The following ZNF804A variants were observed in gnomAD, a reference collection of about 807,000 sequenced individuals.
ZNF804A encodes the protein zinc finger protein 804A.
A neutral mutation model predicts 16.5 loss-of-function variants in ZNF804A; 2 were observed. That is an observed-to-expected ratio of 0.12 (90% CI 0.05 to 0.38). ZNF804A has a LOEUF of 0.38. ZNF804A is among the 10% of genes least tolerant of loss of function. The pLI, the probability that ZNF804A is intolerant of heterozygous loss-of-function variation, is 0.99. For synonymous variants in ZNF804A, 534 were observed against 489.6 expected (o/e 1.09, Z -1.20); for missense variants, 1,473 against 1,390.7 (o/e 1.06, Z -0.94).
intron 1 of ZNF804A, among the ~76,000 whole-genome samples, chr2:184,640,186 A>T (rs2105692953): frequency 6.6e-6 from 1 of 151,904 alleles, no homozygotes; most frequent in Non-Finnish European, 1.5e-5. Flanking sequence ...GAAAAAAAAG[A>T]AGTAGGAGGA....
chr2:184,814,750 C>T (rs954902946), intron 1 of ZNF804A, among the ~76,000 whole-genome samples: 3 of 152,072 alleles, frequency 2.0e-5, no homozygotes, highest in Admixed American at 6.6e-5. Flanking sequence ...CTTTTTAAAA[C>T]GTGGGGACTT....
At chr2:184,722,647 T>A (rs553084267) in intron 1 of ZNF804A, among the ~76,000 whole-genome samples, 2 of 152,038 alleles carry the variant, frequency 1.3e-5, no homozygotes, top group Non-Finnish European at 2.9e-5. Flanking sequence ...ATAACACCAC[T>A]GATACGTGTT....
At chr2:184,722,686 G>C (rs1260640830) in intron 1 of ZNF804A, among the ~76,000 whole-genome samples, 2 of 151,904 alleles carry the variant, frequency 1.3e-5, no homozygotes, top group African/African-American at 4.8e-5. Context: ...CTTATGGTTT[G>C]TATACCTGTA....
chr2:184,716,163 AG>A (rs1693210103), intron 1 of ZNF804A, among the ~76,000 whole-genome samples: 1 of 152,174 alleles, frequency 6.6e-6, no homozygotes. Context: ...AAACCAAAGA[AG>A]CATTATGACT....
chr2:184,893,492 T>C (rs887380436), intron 2 of ZNF804A, among the ~76,000 whole-genome samples: 6 of 151,960 alleles, frequency 3.9e-5, no homozygotes, highest in African/African-American at 9.7e-5. Context: ...CTAGGATCAT[T>C]ATATACATCA....
intron 1 of ZNF804A, among the ~76,000 whole-genome samples, chr2:184,808,093 T>A (rs1694839012): frequency 6.6e-6 from 1 of 151,652 alleles, no homozygotes. Flanking sequence ...AATATTAATA[T>A]TTACTGATAA....
chr2:184,916,145 C>CA, intron 2 of ZNF804A, among the ~76,000 whole-genome samples: 1 of 151,836 alleles, frequency 6.6e-6, no homozygotes, highest in African/African-American at 2.4e-5. Context: ...CAAAAGCTTG[C>CA]AAAAAATAGT....
chr2:184,848,472 TAAAAC>T (rs1453539605), intron 1 of ZNF804A, among the ~76,000 whole-genome samples: 3 of 151,918 alleles, frequency 2.0e-5, no homozygotes, highest in Non-Finnish European at 4.4e-5. Context: ...AAGAGGGAAA[TAAAAC>T]AAAGATTAAA....
At chr2:184,754,968 A>C (rs1206281907) in intron 1 of ZNF804A, among the ~76,000 whole-genome samples, 8 of 151,836 alleles carry the variant, frequency 5.3e-5, no homozygotes, top group Non-Finnish European at 1.5e-5. Context: ...CATCTGAAGA[A>C]CGGCACAGGG....
intron 1 of ZNF804A, among the ~76,000 whole-genome samples, chr2:184,779,278 T>G (rs919562890): frequency 6.6e-6 from 1 of 151,752 alleles, no homozygotes; most frequent in Admixed American, 6.6e-5. Flanking sequence ...CATACACCAC[T>G]TGTACTTTCA....
chr2:184,653,463 A>G (rs1466729172), intron 1 of ZNF804A, among the ~76,000 whole-genome samples: 1 of 152,240 alleles, frequency 6.6e-6, no homozygotes, highest in Non-Finnish European at 1.5e-5. Context: ...GCAGAAAAAG[A>G]GACCAAGGCA....
chr2:184,816,295 T>A (rs1169307390), intron 1 of ZNF804A, among the ~76,000 whole-genome samples: 1 of 152,052 alleles, frequency 6.6e-6, no homozygotes, highest in East Asian at 1.9e-4. Context: ...ATGATGGGAA[T>A]TGGGCTCTCC....
chr2:184,913,168 A>C (rs1685389722), intron 2 of ZNF804A, among the ~76,000 whole-genome samples: 1 of 152,088 alleles, frequency 6.6e-6, no homozygotes, highest in Non-Finnish European at 1.5e-5. Context: ...TGTATTCCAA[A>C]ACTTGCTTTG....
chr2:184,858,876 T>C (rs1695746900), intron 1 of ZNF804A, among the ~76,000 whole-genome samples: 1 of 152,190 alleles, frequency 6.6e-6, no homozygotes, highest in South Asian at 2.1e-4. Context: ...AGCTTTTGTT[T>C]GTCTGGGAAA....
At chr2:184,603,623 A>G (rs1333736065) in intron 1 of ZNF804A, among the ~76,000 whole-genome samples, 2 of 152,198 alleles carry the variant, frequency 1.3e-5, no homozygotes, top group Non-Finnish European at 1.5e-5. Flanking sequence ...AAAGAGATCA[A>G]TTGGTGAATT....
At chr2:184,756,390 C>T (rs866365253) in intron 1 of ZNF804A, among the ~76,000 whole-genome samples, 17 of 151,912 alleles carry the variant, frequency 1.1e-4, no homozygotes, top group Non-Finnish European at 2.2e-4. Flanking sequence ...CTTAAATTTG[C>T]GTAAATTTTA....
chr2:184,900,424 A>T (rs558708548), intron 2 of ZNF804A, among the ~76,000 whole-genome samples: 87 of 152,290 alleles, frequency 5.7e-4, no homozygotes, highest in African/African-American at 2.0e-3. Flanking sequence ...ATCTAGTCAT[A>T]TTCCAAGTGT....
intron 1 of ZNF804A, among the ~76,000 whole-genome samples, chr2:184,724,377 G>A (rs747453336): frequency 2.0e-5 from 3 of 151,526 alleles, no homozygotes; most frequent in Non-Finnish European, 1.5e-5. Flanking sequence ...AAATGTACAC[G>A]ATTTTGAAAT....
intron 1 of ZNF804A, among the ~76,000 whole-genome samples, chr2:184,822,289 C>T (rs769311374): frequency 6.6e-6 from 1 of 152,090 alleles, no homozygotes; most frequent in Non-Finnish European, 1.5e-5. Context: ...AGCTGTTATC[C>T]TCAGCGAATT....
Sources: allele counts gnomAD v4.1 joint callset (sites outside exome capture counted in the v4.1 genomes callset), GRCh38; gene constraint gnomAD v4.1.1; transcripts MANE v1.5; gene names NCBI Gene and HGNC (gene_info 2026-07-23, HGNC 2026-07-21).